The following BZW2 variants were observed in gnomAD, a reference collection of about 807,000 sequenced individuals.
BZW2 encodes the protein eIF5-mimic protein 1.
Under a neutral mutation model 53.2 loss-of-function variants are expected in BZW2, and 23 were observed. That is an observed-to-expected ratio of 0.43 (90% CI 0.31 to 0.61). The LOEUF (loss-of-function observed/expected upper bound fraction) is 0.61. BZW2 is among the 20% of genes least tolerant of loss of function. BZW2 has a pLI of 0.09. For synonymous variants in BZW2, 227 were observed against 186.4 expected, an observed-to-expected ratio of 1.22 and a Z score of -1.77; for missense variants, 409 against 503.1, an observed-to-expected ratio of 0.81 and a Z score of 1.79.
rs1782392514 is a variant in BZW2, at chr7:16,665,402, C to T, written c.-7-35C>T. On this transcript the variant is annotated intron_variant, in intron 1 of 11. Transcript: ENST00000258761. Reference sequence around the variant, plus strand: ...TATGTTTTCCATATAAACTGCTTATCTGAAATACATAATCTTTATTTTCTT... The same window carrying T: ...TATGTTTTCCATATAAACTGCTTATTTGAAATACATAATCTTTATTTTCTT... The T allele has an allele frequency of 2.5e-6, 4 of 1,612,748 alleles. No homozygotes were observed. The East Asian group carries it at 8.9e-5, about 36-fold the overall frequency.
At chr7:16,678,891 A>G (rs892183937) in intron 3 of BZW2, among the ~76,000 whole-genome samples, 2 of 152,072 alleles carry the variant, frequency 1.3e-5, no homozygotes, top group African/African-American at 4.8e-5. Context: ...CAAAGGGGAG[A>G]CAGTGTACGA....
intron 2 of BZW2, among the ~76,000 whole-genome samples, chr7:16,667,801 T>A (rs1421323156): frequency 6.6e-6 from 1 of 152,220 alleles, no homozygotes; most frequent in Non-Finnish European, 1.5e-5. Context: ...TTCTGGCCTA[T>A]CCGCATGAGA....
intron 1 of BZW2, chr7:16,661,304 G>A (rs573802063): frequency 1.1e-4 from 17 of 152,208 alleles, no homozygotes; most frequent in African/African-American, 4.1e-4. Flanking sequence ...AACTAAAGAA[G>A]AGTCCCAGGT....
chr7:16,681,493 A>C, intron 4 of BZW2, 89 bp downstream of exon 4: 5 of 1,058,202 alleles, frequency 4.7e-6, no homozygotes, highest in Non-Finnish European at 6.9e-6. Context: ...TTTAAATAGG[A>C]ATCTTAGAAA....
chr7:16,689,638 G>C (rs1783239349), intron 6 of BZW2, among the ~76,000 whole-genome samples, 159 bp from the exon 7 acceptor site: 3 of 152,318 alleles, frequency 2.0e-5, no homozygotes, highest in African/African-American at 7.2e-5. Flanking sequence ...TTTGAGTAAT[G>C]AGAAGAGGAG....
At chr7:16,695,779 A>G (rs907111770) in intron 8 of BZW2, 2 of 152,184 alleles carry the variant, frequency 1.3e-5, no homozygotes, top group Non-Finnish European at 2.9e-5. Context: ...CCTGCTTGGC[A>G]GCTCACATGG....
intron 3 of BZW2, 38 bp from the exon 4 acceptor site, chr7:16,681,263 C>A: frequency 6.7e-7 from 1 of 1,498,162 alleles, no homozygotes; most frequent in Non-Finnish European, 9.3e-7. Flanking sequence ...TTCTCAATTT[C>A]AGTATTATCC....
chr7:16,685,655 A>G lies in BZW2; in HGVS notation c.406-250A>G, dbSNP rs115369331. On this transcript the variant is annotated intron_variant, in intron 5 of 11. Transcript: ENST00000258761. ...CATCCAAATATCTCTTTTCCTTTCC[A>G]TGAATGTTATCTACAGCTGTGAGTA... Among the ~76,000 whole-genome samples, 982 of 152,254 alleles carry G rather than the reference A, an allele frequency of 6.4e-3. 13 individuals are homozygous for G. Among genetic ancestry groups the G allele is most frequent in the African/African-American group, 0.022 (921 of 41,552 alleles).
At chr7:16,696,247 G>C (rs1783484106) in intron 8 of BZW2, among the ~76,000 whole-genome samples, 2 of 152,084 alleles carry the variant, frequency 1.3e-5, no homozygotes, top group African/African-American at 4.8e-5. Flanking sequence ...TATTTTAAAA[G>C]GAAAAAGCCT....
At chr7:16,659,410 T>C (rs1415440247) in intron 1 of BZW2, among the ~76,000 whole-genome samples, 1 of 152,298 alleles carries the variant, frequency 6.6e-6, no homozygotes, top group East Asian at 1.9e-4. Context: ...AATTGTATAG[T>C]GTTATTATAG....
intron 3 of BZW2, among the ~76,000 whole-genome samples, chr7:16,678,746 G>C (rs1010368028): frequency 6.6e-6 from 1 of 151,664 alleles, no homozygotes; most frequent in African/African-American, 2.4e-5. Flanking sequence ...GTTCTTTTCT[G>C]TTTTCCCTAA....
intron 3 of BZW2, among the ~76,000 whole-genome samples, chr7:16,677,609 C>T (rs1473173851): frequency 1.3e-5 from 2 of 152,074 alleles, no homozygotes; most frequent in Non-Finnish European, 2.9e-5. Flanking sequence ...TCTGGGGCTC[C>T]ATTTGAAGAA....
At chr7:16,704,501 A>G in intron 10 of BZW2, 46 bp from the exon 11 acceptor site, 3 of 1,468,788 alleles carry the variant, frequency 2.0e-6, no homozygotes, top group Non-Finnish European at 2.8e-6. Flanking sequence ...GTTTTGAAAC[A>G]TGACATTTGT....
In BZW2 at chr7:16,695,060, G is replaced by A. The variant is rs1044908861; in HGVS notation, c.822+56G>A. The stretch of plus-strand genomic sequence containing the variant: ...TACACATGAATGAGAGGAATTACAT[G>A]GGCTGTGTAGCAAAGGCTTTCCTTA... On this transcript the variant is annotated intron_variant, in intron 8 of 11. Transcript: ENST00000258761. 4 of 1,439,878 alleles carry A rather than the reference G, an allele frequency of 2.8e-6. No individual in the cohort carries two copies. The Admixed American group carries it at 6.2e-5, about 22-fold the overall frequency. 89.2% of individuals were successfully genotyped at this position (1,439,878 alleles called of 1,614,324 possible).
chr7:16,659,102 A>C (rs892346919), intron 1 of BZW2, among the ~76,000 whole-genome samples: 2 of 152,044 alleles, frequency 1.3e-5, no homozygotes, highest in African/African-American at 2.4e-5. Context: ...AAAAACTAAA[A>C]AAAAACAATA....
At chr7:16,699,497 A>C (rs1783603190) in intron 10 of BZW2, among the ~76,000 whole-genome samples, 1 of 152,206 alleles carries the variant, frequency 6.6e-6, no homozygotes, top group Non-Finnish European at 1.5e-5. Flanking sequence ...ATTTGTTTTG[A>C]GGGTGGTCAA....
intron 3 of BZW2, among the ~76,000 whole-genome samples, chr7:16,676,902 C>A (rs984497383): frequency 6.6e-6 from 1 of 152,104 alleles, no homozygotes; most frequent in Non-Finnish European, 1.5e-5. Flanking sequence ...CTTAGACCTC[C>A]TTCTACCTCT....
intron 6 of BZW2, among the ~76,000 whole-genome samples, chr7:16,689,205 G>A (rs1264444651): frequency 6.6e-6 from 1 of 152,102 alleles, no homozygotes; most frequent in African/African-American, 2.4e-5. Flanking sequence ...CAGCCTGGGC[G>A]ACAGAGTGAG....
At chr7:16,676,804 C>G (rs1184917726) in intron 3 of BZW2, among the ~76,000 whole-genome samples, 1 of 151,894 alleles carries the variant, frequency 6.6e-6, no homozygotes, top group South Asian at 2.1e-4. Flanking sequence ...TTATATGGAC[C>G]CTTTTCAGAC....
Sources: gnomAD v4.1 joint callset for allele counts (sites outside exome capture counted in the v4.1 genomes callset) on GRCh38, gnomAD v4.1.1 for gene constraint, MANE v1.5 for transcripts, NCBI Gene and HGNC (gene_info 2026-07-23, HGNC 2026-07-21) for gene names.